The following ZFHX3 variants were observed in gnomAD, a reference collection of about 807,000 sequenced individuals.
ZFHX3 encodes the protein zinc finger homeobox protein 3.
In ZFHX3, 42 loss-of-function variants were observed where a neutral mutation model predicts 279.1. The observed-to-expected ratio is 0.15, with a 90% CI of 0.12 to 0.19. The LOEUF (loss-of-function observed/expected upper bound fraction) is 0.19, where lower values mean the gene tolerates loss of function less well. Ranked by LOEUF, ZFHX3 falls within the 10% of genes least tolerant of loss-of-function variation. The pLI is 1.00. For missense variants in ZFHX3, 4,981 were observed against 4,754.0 expected, an observed-to-expected ratio of 1.05 and a Z score of -1.40; for synonymous variants, 2,293 against 1,957.8, an observed-to-expected ratio of 1.17 and a Z score of -4.52.
rs538810530 is a variant in ZFHX3, at chr16:72,906,847, G to T, written c.3217-16885C>A. Among the ~76,000 whole-genome samples, 3 of 152,200 alleles carry T rather than the reference G, an allele frequency of 2.0e-5. No individual in the cohort carries two copies. The South Asian group carries it at 6.2e-4, about 32-fold the overall frequency. On this transcript the variant is annotated intron_variant, in intron 3 of 9. Coordinates refer to ENST00000268489, the MANE Select transcript of ZFHX3 (RefSeq NM_006885.4). ...TAATGACTGGGAAAATTTTCTTTGA[G>T]CAAAATGGTAGGAGTTGGGGAGGAG...
chr16:73,604,696 G>A (rs1210897464), intron 2 of ZFHX3, among the ~76,000 whole-genome samples: 1 of 150,392 alleles, frequency 6.6e-6, no homozygotes, highest in Non-Finnish European at 1.5e-5. Flanking sequence ...AGTGGGCAGA[G>A]ATGGGACCAC....
At chr16:73,767,939 G>T (rs182343161) in intron 1 of ZFHX3, among the ~76,000 whole-genome samples, 1 of 152,134 alleles carries the variant, frequency 6.6e-6, no homozygotes, top group Non-Finnish European at 1.5e-5. Context: ...AACAAGACAG[G>T]GTGAAGCACC....
intron 3 of ZFHX3, among the ~76,000 whole-genome samples, chr16:73,331,786 G>A (rs1388221362): frequency 2.6e-5 from 4 of 152,122 alleles, no homozygotes; most frequent in Admixed American, 2.0e-4. Context: ...ACAATAGAGG[G>A]GTTGGATTTT....
At chr16:73,701,928 G>A (rs145789393) in intron 1 of ZFHX3, among the ~76,000 whole-genome samples, 173 of 151,860 alleles carry the variant, frequency 1.1e-3, no homozygotes, top group Middle Eastern at 6.8e-3. Flanking sequence ...CACTGCACCC[G>A]TAAAAAAAGC....
intron 1 of ZFHX3, among the ~76,000 whole-genome samples, chr16:73,794,643 C>T (rs910834681): frequency 3.3e-5 from 5 of 152,212 alleles, no homozygotes; most frequent in African/African-American, 1.2e-4. Context: ...ACAGTGCAAA[C>T]TCATTCACAT....
chr16:73,750,799 A>G (rs575242560), intron 1 of ZFHX3, among the ~76,000 whole-genome samples: 1 of 152,332 alleles, frequency 6.6e-6, no homozygotes, highest in African/African-American at 2.4e-5. Flanking sequence ...GCAGGCAATT[A>G]GGGGTAATAT....
rs537428715 is a variant in ZFHX3 at position 73,854,171 on chromosome 16, C to A, written c.-1608+37480G>T. ...GTGTCAGGGCAAACCTACTTATAAACTTGTTGGAATGTTTACTGTTTCAGG... is the reference window on the plus strand; with the variant it reads ...GTGTCAGGGCAAACCTACTTATAAAATTGTTGGAATGTTTACTGTTTCAGG... On this transcript the variant is annotated intron_variant, in intron 1 of 17. Coordinates refer to the ZFHX3 transcript ENST00000641206. Among the ~76,000 whole-genome samples the A allele has an allele frequency of 3.9e-5, 6 of 152,218 alleles. No individual in the cohort carries two copies. The South Asian group carries it at 1.2e-3, about 32-fold the overall frequency.
rs192137663 is a variant in ZFHX3 at position 73,258,238 on chromosome 16, C to A, written c.-1193-1102G>T. ...TAAGGTCCAGAGATGTTAAGGGAATCATCCAATATCACACAATTGGCAAGC... is the reference window on the plus strand; with the variant it reads ...TAAGGTCCAGAGATGTTAAGGGAATAATCCAATATCACACAATTGGCAAGC... On this transcript the variant is annotated intron_variant, in intron 4 of 17. Transcript: ENST00000641206. Among the ~76,000 whole-genome samples, 502 of 152,172 alleles carry A rather than the reference C, an allele frequency of 3.3e-3. 1 individual carries two copies. Among genetic ancestry groups the A allele is most frequent in the South Asian group, 0.013 (63 of 4,816 alleles).
chr16:73,582,001 T>A (rs1353025110), intron 2 of ZFHX3, among the ~76,000 whole-genome samples: 1 of 151,858 alleles, frequency 6.6e-6, no homozygotes, highest in Admixed American at 6.6e-5. Flanking sequence ...TTCAAAATCG[T>A]GAACTGGGTA....
chr16:73,516,756 T>C (rs918240096), intron 2 of ZFHX3, among the ~76,000 whole-genome samples: 1 of 152,220 alleles, frequency 6.6e-6, no homozygotes, highest in Non-Finnish European at 1.5e-5. Flanking sequence ...CTCATGACTG[T>C]ATTCCCAAGG....
chr16:73,412,900 G>A (rs907961735), intron 3 of ZFHX3, among the ~76,000 whole-genome samples: 3 of 152,162 alleles, frequency 2.0e-5, no homozygotes, highest in African/African-American at 7.2e-5. Context: ...GTCTCTCTGT[G>A]CTACGCTGTT....
Position 73,055,020 on chromosome 16 carries a change from C to G in ZFHX3, c.-24+3510G>C, listed in dbSNP as rs143535357. Among the ~76,000 whole-genome samples, 25 of 150,182 alleles carry G rather than the reference C, an allele frequency of 1.7e-4. No individual in the cohort carries two copies. In the East Asian group the frequency reaches 4.8e-3, roughly 29 times the overall value. ...CGAATTGGAAAGGGGTGAGTGAATT[C>G]TGTGTGAAGCCAGCAAAGGGAGAGA... On this transcript the variant is annotated intron_variant, in intron 1 of 8. Coordinates refer to the ZFHX3 transcript ENST00000397992.
chr16:73,214,032 T>C (rs1385943868), intron 5 of ZFHX3, among the ~76,000 whole-genome samples: 1 of 152,254 alleles, frequency 6.6e-6, no homozygotes, highest in Non-Finnish European at 1.5e-5. Flanking sequence ...ATTAAACATA[T>C]GATTCAATCG....
intron 1 of ZFHX3, among the ~76,000 whole-genome samples, chr16:73,046,863 T>C (rs988867684): frequency 7.4e-6 from 1 of 134,418 alleles, no homozygotes; most frequent in African/African-American, 2.8e-5. Context: ...TCAGTGGCTT[T>C]AGGGAGTCTT....
intron 1 of ZFHX3, among the ~76,000 whole-genome samples, chr16:73,780,359 G>T (rs971178328): frequency 6.0e-5 from 9 of 150,138 alleles, no homozygotes; most frequent in African/African-American, 2.2e-4. Context: ...TGCTGGCCAG[G>T]CTGGTCTCGA....
chr16:73,268,097 A>G (rs1311899348), intron 4 of ZFHX3, among the ~76,000 whole-genome samples: 4 of 152,192 alleles, frequency 2.6e-5, no homozygotes, highest in African/African-American at 9.6e-5. Context: ...GAAGAAACAC[A>G]AAGTAGGATG....
At chr16:73,201,558 G>C (rs999177974) in intron 5 of ZFHX3, among the ~76,000 whole-genome samples, 2 of 152,176 alleles carry the variant, frequency 1.3e-5, no homozygotes, top group Non-Finnish European at 2.9e-5. Context: ...GGAATGCTTA[G>C]GCAGGTTCAC....
At chr16:73,190,791 C>T (rs536530609) in intron 5 of ZFHX3, among the ~76,000 whole-genome samples, 2 of 152,198 alleles carry the variant, frequency 1.3e-5, no homozygotes, top group East Asian at 1.9e-4. Context: ...GGTCACTCAC[C>T]GAACCAGTGT....
At chr16:73,676,147 ATAAC>A (rs1201963491) in intron 2 of ZFHX3, among the ~76,000 whole-genome samples, 7 of 152,132 alleles carry the variant, frequency 4.6e-5, no homozygotes, top group African/African-American at 7.2e-5. Flanking sequence ...AAACATAACA[ATAAC>A]TAATTATAGC....
Sources: allele counts gnomAD v4.1 joint callset (sites outside exome capture counted in the v4.1 genomes callset), GRCh38; gene constraint gnomAD v4.1.1; transcripts MANE v1.5; gene names NCBI Gene and HGNC (gene_info 2026-07-23, HGNC 2026-07-21).